RNF180: variants seen among roughly 807,000 people sequenced by gnomAD.
The protein encoded by RNF180 is ring finger protein 180.
A neutral mutation model predicts 59.2 loss-of-function variants in RNF180; 38 were observed. The ratio of observed to expected loss-of-function variants is 0.64; its 90% confidence interval spans 0.50 to 0.84. The LOEUF is 0.84. Among genes scored for constraint, RNF180 ranks in the 40% least tolerant of loss-of-function variants. RNF180 has a pLI of 0.00. For synonymous variants in RNF180, 262 were observed against 240.3 expected, an observed-to-expected ratio of 1.09 and a Z score of -0.84; for missense variants, 705 against 700.9, an observed-to-expected ratio of 1.01 and a Z score of -0.07.
intron 5 of RNF180, among the ~76,000 whole-genome samples, chr5:64,222,829 CAT>C (rs1471792301): frequency 7.9e-5 from 12 of 152,196 alleles, no homozygotes; most frequent in African/African-American, 2.4e-4. Context: ...CTTCTCTGCA[CAT>C]GAGTTTCGGG....
intron 5 of RNF180, among the ~76,000 whole-genome samples, chr5:64,270,075 G>T (rs1744925174): frequency 6.6e-6 from 1 of 151,900 alleles, no homozygotes. Flanking sequence ...TCGTAAATCA[G>T]TGTATTTCAC....
At chr5:64,233,473 A>T (rs115724150) in intron 5 of RNF180, among the ~76,000 whole-genome samples, 2 of 152,266 alleles carry the variant, frequency 1.3e-5, no homozygotes, top group African/African-American at 4.8e-5. Flanking sequence ...ATTGAGAAAC[A>T]TAATTACAAA....
At chr5:64,196,222 G>A (rs752230476) in intron 1 of RNF180, among the ~76,000 whole-genome samples, 7 of 151,090 alleles carry the variant, frequency 4.6e-5, no homozygotes, top group Admixed American at 1.3e-4. Flanking sequence ...TAACGCTTTC[G>A]GATGCTATAA....
intron 5 of RNF180, among the ~76,000 whole-genome samples, chr5:64,247,231 C>T (rs1456947562): frequency 2.6e-5 from 4 of 152,264 alleles, no homozygotes; most frequent in South Asian, 2.1e-4. Flanking sequence ...CTCACCACTC[C>T]GATTCAGTAC....
chr5:64,310,605 C>G (rs1743717030), intron 5 of RNF180, among the ~76,000 whole-genome samples: 1 of 151,306 alleles, frequency 6.6e-6, no homozygotes, highest in Non-Finnish European at 1.5e-5. Flanking sequence ...AATACCAGAT[C>G]TCAGTTGTTT....
intron 5 of RNF180, among the ~76,000 whole-genome samples, chr5:64,221,309 C>T (rs1741317190): frequency 6.6e-6 from 1 of 152,014 alleles, no homozygotes; most frequent in Non-Finnish European, 1.5e-5. Context: ...TTATAATACA[C>T]ATTTCTTATG....
intron 1 of RNF180, among the ~76,000 whole-genome samples, chr5:64,183,367 A>T (rs1245627043): frequency 6.6e-6 from 1 of 151,916 alleles, no homozygotes; most frequent in Non-Finnish European, 1.5e-5. Flanking sequence ...TTATATATGG[A>T]AATTTTAGTT....
chr5:64,359,173 T>G (rs1347456276), intron 7 of RNF180, among the ~76,000 whole-genome samples: 1 of 151,548 alleles, frequency 6.6e-6, no homozygotes, highest in Non-Finnish European at 1.5e-5. Flanking sequence ...CTGGGTCAAA[T>G]GGTATTTCCA....
chr5:64,318,788 A>G (rs1316799655), intron 5 of RNF180, among the ~76,000 whole-genome samples: 2 of 152,198 alleles, frequency 1.3e-5, no homozygotes, highest in Non-Finnish European at 2.9e-5. Context: ...GCAGTAAAAA[A>G]CAATTGGATT....
At chr5:64,244,741 C>A (rs1743047561) in intron 5 of RNF180, among the ~76,000 whole-genome samples, 2 of 152,114 alleles carry the variant, frequency 1.3e-5, no homozygotes, top group African/African-American at 4.8e-5. Context: ...ACAGAGAGCA[C>A]CACAAAGATA....
At position 64,325,357 on chromosome 5, in the gene RNF180, A is replaced by C. The variant is rs1437028586; in HGVS notation, c.1399A>C (p.Ser467Arg). The change falls in exon 6 of 8, where the codon AGC becomes CGC. Residue 467 changes from serine (S) to arginine (R), a missense_variant. Transcript: ENST00000389100. The stretch of plus-strand genomic sequence containing the variant: ...GACTCTGGCCAAAGACAATCCTTCA[A>C]GCACTCCATGCCCATTGTGTCGGAC... ...LRTLAKDNPS[S>R]TPCPLCRTII... The C allele has an allele frequency of 1.3e-6, 2 of 1,551,730 alleles. No individual in the cohort carries two copies. The highest frequency in any genetic ancestry group is 1.7e-6 in the Non-Finnish European group (2 of 1,146,968).
intron 1 of RNF180, among the ~76,000 whole-genome samples, chr5:64,181,454 A>T (rs1043842779): frequency 6.6e-6 from 1 of 152,344 alleles, no homozygotes; most frequent in South Asian, 2.1e-4. Context: ...TGGCAATTAC[A>T]GTTTTTTAAA....
chr5:64,251,181 C>T (rs1441164597), intron 5 of RNF180, among the ~76,000 whole-genome samples: 5 of 152,060 alleles, frequency 3.3e-5, no homozygotes, highest in Admixed American at 2.0e-4. Context: ...ATTAGGTATA[C>T]AAGGAATTTA....
chr5:64,344,826 C>T (rs970942985), intron 7 of RNF180, among the ~76,000 whole-genome samples: 1 of 151,834 alleles, frequency 6.6e-6, no homozygotes, highest in Non-Finnish European at 1.5e-5. Context: ...AATTCTGCTT[C>T]ATCTGTGCAG....
intron 1 of RNF180, among the ~76,000 whole-genome samples, chr5:64,181,769 A>G (rs1438281803): frequency 6.6e-6 from 1 of 152,212 alleles, no homozygotes; most frequent in Non-Finnish European, 1.5e-5. Flanking sequence ...ACTATGGAAC[A>G]AGGGAAGATT....
At chr5:64,275,941 T>G (rs1251306415) in intron 5 of RNF180, among the ~76,000 whole-genome samples, 1 of 152,040 alleles carries the variant, frequency 6.6e-6, no homozygotes, top group Non-Finnish European at 1.5e-5. Flanking sequence ...TGAAGTGAGC[T>G]TCCCTGCTGA....
At chr5:64,271,223 A>T (rs2112352616) in intron 5 of RNF180, among the ~76,000 whole-genome samples, 1 of 152,238 alleles carries the variant, frequency 6.6e-6, no homozygotes, top group East Asian at 1.9e-4. Context: ...CAAAGTGTAC[A>T]TTGTATGAAT....
chr5:64,188,238 T>A (rs538551312), intron 1 of RNF180, among the ~76,000 whole-genome samples: 1 of 152,106 alleles, frequency 6.6e-6, no homozygotes, highest in Non-Finnish European at 1.5e-5. Context: ...TGTGTAACAA[T>A]GAGATTTCCC....
At chr5:64,304,583 A>G (rs1474144966) in intron 5 of RNF180, among the ~76,000 whole-genome samples, 1 of 151,694 alleles carries the variant, frequency 6.6e-6, no homozygotes, top group African/African-American at 2.4e-5. Context: ...TTAGAAGAGG[A>G]GCCTGAAGAT....
Sources: allele counts gnomAD v4.1 joint callset (sites outside exome capture counted in the v4.1 genomes callset), GRCh38; gene constraint gnomAD v4.1.1; transcripts MANE v1.5; gene names NCBI Gene and HGNC (gene_info 2026-07-23, HGNC 2026-07-21).